The following DIAPH2 variants were observed in gnomAD, a reference collection of about 807,000 sequenced individuals.
DIAPH2 encodes the protein protein diaphanous homolog 2.
DIAPH2 carries 35 observed loss-of-function variants against 92.7 expected under a neutral mutation model. The ratio of observed to expected loss-of-function variants is 0.38; its 90% confidence interval spans 0.29 to 0.50. DIAPH2 has a LOEUF of 0.50. Ranked by LOEUF, DIAPH2 falls within the 20% of genes least tolerant of loss-of-function variation. The pLI, the probability that DIAPH2 is intolerant of heterozygous loss-of-function variation, is 0.94. For synonymous variants in DIAPH2, 301 were observed against 280.4 expected (o/e 1.07, Z -0.73); for missense variants, 701 against 819.5 (o/e 0.86, Z 1.77).
chrX:96,819,022 T>A (rs2064760105), intron 4 of DIAPH2, among the ~76,000 whole-genome samples: 1 of 112,595 alleles, frequency 8.9e-6, no homozygotes, highest in Non-Finnish European at 1.9e-5. Context: ...TTTATGCTCC[T>A]ATGAGAATCT....
chrX:97,083,140 T>G (rs2066759082), intron 19 of DIAPH2, among the ~76,000 whole-genome samples: 1 of 112,191 alleles, frequency 8.9e-6, no homozygotes. Context: ...AAAATAGAAA[T>G]GTACCTAGTT....
At chrX:97,434,330 G>A (rs1175647938) in intron 26 of DIAPH2, among the ~76,000 whole-genome samples, 6 of 110,570 alleles carry the variant, frequency 5.4e-5, no homozygotes, top group East Asian at 2.8e-4. Context: ...ATAATTTAGC[G>A]TGAGAGGAGT....
At chrX:97,447,880 G>A (rs1209923518) in intron 26 of DIAPH2, among the ~76,000 whole-genome samples, 2 of 111,706 alleles carry the variant, frequency 1.8e-5, no homozygotes, top group African/African-American at 6.5e-5. Context: ...ATGCCTGTTA[G>A]ATGGTTCTTC....
intron 22 of DIAPH2, among the ~76,000 whole-genome samples, chrX:97,150,499 G>A (rs2067278427): frequency 9.0e-6 from 1 of 111,499 alleles, no homozygotes; most frequent in African/African-American, 3.3e-5. Flanking sequence ...TAGCTCATCT[G>A]TCTTACCCTC....
chrX:97,162,402 G>A (rs1249121834), intron 22 of DIAPH2, among the ~76,000 whole-genome samples: 1 of 112,016 alleles, frequency 8.9e-6, no homozygotes, highest in Non-Finnish European at 1.9e-5. Context: ...TATTAAATGA[G>A]TGATGAATGA....
intron 22 of DIAPH2, among the ~76,000 whole-genome samples, chrX:97,211,185 C>T (rs2147505214): frequency 9.0e-6 from 1 of 111,248 alleles, no homozygotes; most frequent in East Asian, 2.8e-4. Flanking sequence ...CTTGATTAAA[C>T]AAGGTACTGA....
At chrX:97,170,925 G>A (rs1253834401) in intron 22 of DIAPH2, among the ~76,000 whole-genome samples, 1 of 108,814 alleles carries the variant, frequency 9.2e-6, no homozygotes, top group African/African-American at 3.3e-5. Flanking sequence ...TATTTAAGCT[G>A]GAGTGCAGTG....
chrX:96,880,146 GTTA>G (rs1298533488), intron 4 of DIAPH2, among the ~76,000 whole-genome samples: 2 of 111,894 alleles, frequency 1.8e-5, no homozygotes, highest in African/African-American at 3.3e-5. Context: ...TTGTTCTGCA[GTTA>G]TTATGGAGAA....
intron 23 of DIAPH2, among the ~76,000 whole-genome samples, chrX:97,311,101 G>T (rs927386577): frequency 3.6e-5 from 4 of 112,199 alleles, no homozygotes; most frequent in African/African-American, 1.3e-4. Flanking sequence ...CCATTGAAAG[G>T]TTTTGAGTGG....
intron 22 of DIAPH2, among the ~76,000 whole-genome samples, chrX:97,185,353 G>GTATATATATATATATATATATA (rs1387950279): frequency 5.4e-5 from 1 of 18,399 alleles, no homozygotes. Flanking sequence ...ATATATATAT[G>GTATATATATATATATATATATA]TGTGTATATA....
intron 17 of DIAPH2, among the ~76,000 whole-genome samples, chrX:97,018,584 A>G (rs753799474): frequency 8.9e-6 from 1 of 112,131 alleles, no homozygotes; most frequent in Non-Finnish European, 1.9e-5. Context: ...ACGAATGACT[A>G]GTGCTATATT....
chrX:97,212,341 A>C (rs779548952), intron 22 of DIAPH2, among the ~76,000 whole-genome samples: 90 of 108,265 alleles, frequency 8.3e-4, no homozygotes, highest in African/African-American at 2.9e-3. Context: ...AGCATGTAAA[A>C]GTAAGTAATG....
chrX:97,282,091 G>A (rs1264530857), intron 23 of DIAPH2, among the ~76,000 whole-genome samples: 1 of 110,929 alleles, frequency 9.0e-6, no homozygotes, highest in Non-Finnish European at 1.9e-5. Context: ...CAGTTGTGAA[G>A]TTTGAGGAGT....
intron 17 of DIAPH2, among the ~76,000 whole-genome samples, chrX:97,050,920 T>C (rs967217049): frequency 8.9e-6 from 1 of 112,329 alleles, no homozygotes; most frequent in Non-Finnish European, 1.9e-5. Flanking sequence ...GGTGGTAACA[T>C]TGTTTCTAGG....
At chrX:97,202,092 C>T (rs2067755698) in intron 22 of DIAPH2, among the ~76,000 whole-genome samples, 1 of 111,737 alleles carries the variant, frequency 8.9e-6, no homozygotes, top group African/African-American at 3.3e-5. Flanking sequence ...AAATAAAATC[C>T]TTTCCAGACA....
intron 25 of DIAPH2, among the ~76,000 whole-genome samples, chrX:97,406,170 A>G (rs1197407604): frequency 4.5e-5 from 5 of 112,133 alleles, no homozygotes; most frequent in Non-Finnish European, 9.4e-5. Context: ...AATTAGATCA[A>G]GAGTCACTGT....
At chrX:97,486,389 G>C (rs1220634118) in intron 26 of DIAPH2, among the ~76,000 whole-genome samples, 1 of 111,583 alleles carries the variant, frequency 9.0e-6, no homozygotes, top group East Asian at 2.8e-4. Flanking sequence ...TGTTCTCTAA[G>C]TACTTTTTGG....
chrX:97,473,694 C>T (rs1263300245), intron 26 of DIAPH2, among the ~76,000 whole-genome samples: 3 of 112,337 alleles, frequency 2.7e-5, no homozygotes, highest in African/African-American at 9.7e-5. Context: ...GGTGTAGTGG[C>T]TCACGCCTGT....
chrX:97,074,690 A>G (rs1319307048), intron 18 of DIAPH2, among the ~76,000 whole-genome samples: 2 of 111,882 alleles, frequency 1.8e-5, no homozygotes, highest in Non-Finnish European at 3.8e-5. Context: ...AGGCACTTTA[A>G]TTTTTTTCTT....
Sources: allele counts gnomAD v4.1 joint callset (sites outside exome capture counted in the v4.1 genomes callset), GRCh38; gene constraint gnomAD v4.1.1; transcripts MANE v1.5; gene names NCBI Gene and HGNC (gene_info 2026-07-23, HGNC 2026-07-21).